FCHSD2: variants seen among roughly 807,000 people sequenced by gnomAD.
FCHSD2 encodes the protein FCH and double SH3 domains 2.
Under a neutral mutation model 108.1 loss-of-function variants are expected in FCHSD2, and 38 were observed. The ratio of observed to expected loss-of-function variants is 0.35; its 90% confidence interval spans 0.27 to 0.46. FCHSD2 has a LOEUF of 0.46. Among genes scored for constraint, FCHSD2 ranks in the 20% least tolerant of loss-of-function variants. The probability of loss-of-function intolerance (pLI) is 1.00; values close to 1 mark genes in which losing one functional copy is unlikely to be tolerated. For missense variants in FCHSD2, 751 were observed against 897.8 expected, an observed-to-expected ratio of 0.84 and a Z score of 2.09; for synonymous variants, 279 against 314.7, an observed-to-expected ratio of 0.89 and a Z score of 1.20.
intron 9 of FCHSD2, among the ~76,000 whole-genome samples, chr11:72,913,289 G>A (rs758403094): frequency 2.0e-5 from 3 of 151,866 alleles, no homozygotes; most frequent in Non-Finnish European, 4.4e-5. Context: ...CTTTTTTTGA[G>A]ACAGAGTCTC....
chr11:72,889,228 T>C (rs567442668), intron 11 of FCHSD2, among the ~76,000 whole-genome samples: 43 of 152,326 alleles, frequency 2.8e-4, no homozygotes, highest in African/African-American at 9.1e-4. Flanking sequence ...CCCAAAGTGC[T>C]GGGATTACAG....
intron 8 of FCHSD2, among the ~76,000 whole-genome samples, chr11:72,979,429 A>G (rs1452452824): frequency 6.6e-6 from 1 of 152,180 alleles, no homozygotes; most frequent in Non-Finnish European, 1.5e-5. Flanking sequence ...AGAAAACAAA[A>G]GGGAAGAATT....
At chr11:73,094,918 G>A (rs1860041294) in intron 2 of FCHSD2, among the ~76,000 whole-genome samples, 1 of 152,116 alleles carries the variant, frequency 6.6e-6, no homozygotes, top group South Asian at 2.1e-4. Context: ...TGTAAGTCTG[G>A]CAGAAAGCAA....
Position 73,122,214 on chromosome 11 carries a change from GA to G in FCHSD2, c.119+17816del, listed in dbSNP as rs775043248. Among the ~76,000 whole-genome samples, 30 of 150,904 alleles carry G rather than the reference GA, an allele frequency of 2.0e-4. 1 individual carries two copies. The South Asian group carries it at 6.3e-3, about 31-fold the overall frequency. ...ATGTAGCTCAAAGCCAAATCAATAA[GA>G]AAGTGATTCAAATTTTATGTTTTCA... On this transcript the variant is annotated intron_variant, in intron 2 of 19. Transcript: ENST00000409418.
intron 5 of FCHSD2, among the ~76,000 whole-genome samples, chr11:72,989,743 G>T (rs181454747): frequency 6.6e-6 from 1 of 152,316 alleles, no homozygotes; most frequent in Admixed American, 6.5e-5. Context: ...CCGGGGCCAA[G>T]CAACACTGCC....
At chr11:72,879,999 C>CAAAAAA (rs541384964) in intron 12 of FCHSD2, among the ~76,000 whole-genome samples, 1 of 63,174 alleles carries the variant, frequency 1.6e-5, no homozygotes, top group Non-Finnish European at 3.0e-5. Context: ...AATTCTGTCT[C>CAAAAAA]AAAAAAAAAA....
intron 5 of FCHSD2, 36 bp downstream of exon 5, chr11:73,000,954 T>C: frequency 2.6e-6 from 4 of 1,549,408 alleles, no homozygotes; most frequent in East Asian, 4.6e-5. Flanking sequence ...CACTGGGATA[T>C]TAAAATGCAT....
At chr11:72,913,878 G>C (rs1855818148) in intron 9 of FCHSD2, among the ~76,000 whole-genome samples, 1 of 146,370 alleles carries the variant, frequency 6.8e-6, no homozygotes, top group African/African-American at 2.5e-5. Context: ...GGGAATTGAA[G>C]GACCTCTAAA....
At chr11:73,040,668 G>A (rs1226389165) in intron 3 of FCHSD2, among the ~76,000 whole-genome samples, 2 of 152,170 alleles carry the variant, frequency 1.3e-5, no homozygotes, top group Non-Finnish European at 2.9e-5. Flanking sequence ...AATATGTAAT[G>A]ATCAAATCAA....
intron 2 of FCHSD2, among the ~76,000 whole-genome samples, chr11:73,089,308 A>G (rs1287483494): frequency 6.6e-6 from 1 of 152,222 alleles, no homozygotes; most frequent in Non-Finnish European, 1.5e-5. Flanking sequence ...GTATGTGAAG[A>G]AATCAGAACT....
At chr11:73,112,894 G>A (rs1007964200) in intron 2 of FCHSD2, among the ~76,000 whole-genome samples, 16 of 152,252 alleles carry the variant, frequency 1.1e-4, no homozygotes, top group African/African-American at 2.6e-4. Flanking sequence ...TTGAACTCCT[G>A]ACCTCAAATA....
chr11:73,039,795 A>C (rs1429952732), intron 3 of FCHSD2, among the ~76,000 whole-genome samples: 3 of 152,210 alleles, frequency 2.0e-5, no homozygotes, highest in African/African-American at 7.2e-5. Flanking sequence ...TTAAGTGTTT[A>C]ATTATTCCAC....
chr11:72,916,378 T>G (rs1025653699), intron 9 of FCHSD2, among the ~76,000 whole-genome samples: 4 of 149,614 alleles, frequency 2.7e-5, no homozygotes, highest in Admixed American at 6.7e-5. Flanking sequence ...AGTAGCATGA[T>G]CATAGCCTGC....
chr11:72,975,074 C>T (rs1326719775), intron 8 of FCHSD2, among the ~76,000 whole-genome samples: 1 of 152,156 alleles, frequency 6.6e-6, no homozygotes, highest in African/African-American at 2.4e-5. Context: ...AAGAACTTGG[C>T]TTTCTGTTCC....
intron 10 of FCHSD2, among the ~76,000 whole-genome samples, chr11:72,893,541 C>T (rs760533306): frequency 1.3e-5 from 2 of 151,938 alleles, no homozygotes; most frequent in Non-Finnish European, 2.9e-5. Flanking sequence ...TCTCAAACTC[C>T]TGGCCTCAAA....
intron 2 of FCHSD2, among the ~76,000 whole-genome samples, chr11:73,085,770 A>C (rs1166157316): frequency 1.3e-5 from 2 of 152,146 alleles, no homozygotes; most frequent in Admixed American, 1.3e-4. Flanking sequence ...GAGTTACCAC[A>C]AATCTGGTAT....
At chr11:73,089,145 A>T (rs577570736) in intron 2 of FCHSD2, among the ~76,000 whole-genome samples, 2 of 152,186 alleles carry the variant, frequency 1.3e-5, no homozygotes, top group African/African-American at 4.8e-5. Flanking sequence ...ATAATGTATC[A>T]TATATATATC....
At position 73,104,220 on chromosome 11, in the gene FCHSD2, T is replaced by C. The variant is rs189373071; in HGVS notation, c.120-20480A>G. ...AACTGGTATAATTAAATAGCACATATAGTATCATTTACTTTGCTTCTCCTA... is the reference window on the plus strand; with the variant it reads ...AACTGGTATAATTAAATAGCACATACAGTATCATTTACTTTGCTTCTCCTA... On this transcript the variant is annotated intron_variant, in intron 2 of 19. Transcript: ENST00000409418. 4.3e-4 allele frequency among the ~76,000 whole-genome samples: 65 copies of C among 152,364 alleles called. No individual in the cohort carries two copies. In the East Asian group the frequency reaches 7.5e-3, roughly 18 times the overall value.
chr11:73,017,044 G>A (rs569749918), intron 3 of FCHSD2, among the ~76,000 whole-genome samples: 106 of 152,230 alleles, frequency 7.0e-4, no homozygotes, highest in South Asian at 5.0e-3. Flanking sequence ...GTGCAGTGGC[G>A]CGATCATGGC....
Sources: gnomAD v4.1 joint callset for allele counts (sites outside exome capture counted in the v4.1 genomes callset) on GRCh38, gnomAD v4.1.1 for gene constraint, MANE v1.5 for transcripts, NCBI Gene and HGNC (gene_info 2026-07-23, HGNC 2026-07-21) for gene names.